The following NFE2L3 variants were observed in gnomAD, a reference collection of about 807,000 sequenced individuals.
NFE2L3 encodes nuclear factor erythroid 2-related factor 3.
Under a neutral mutation model 23.5 loss-of-function variants are expected in NFE2L3, and 18 were observed. The observed-to-expected ratio is 0.77, with a 90% confidence interval of 0.53 to 1.13. The LOEUF is 1.13. Among genes scored for constraint, NFE2L3 ranks in the 50% most tolerant of loss-of-function variants. The probability of loss-of-function intolerance (pLI) is 0.00; values close to 1 mark genes in which losing one functional copy is unlikely to be tolerated. For missense variants in NFE2L3, 1,152 were observed against 877.2 expected (o/e 1.31, Z -3.96); for synonymous variants, 424 against 354.5 (o/e 1.20, Z -2.20).
In NFE2L3 at chr7:26,177,955, C is replaced by G. The variant is rs746187828; in HGVS notation, c.583C>G (p.Leu195Val). 6.2e-7 allele frequency: 1 copy of G among 1,612,300 alleles called. No homozygotes were observed. The highest frequency in any genetic ancestry group is 8.5e-7 in the Non-Finnish European group (1 of 1,179,486). ...GGCASEENGV[L>V]REKHEAVDHS... ...CGTACTTTTATAGGAGAATGGGGTA[C>G]TAAGAGAAAAGCACGAAGCTGTGGA... The change falls in exon 2 of 4, where the codon CTA becomes GTA. Residue 195 changes from leucine (L) to valine (V), a missense_variant. By Grantham distance (32) the Leu-to-Val change is conservative. Transcript: ENST00000056233.
In NFE2L3 at chr7:26,185,394, T is replaced by G. The variant is rs1333484837; in HGVS notation, c.1696T>G (p.Leu566Val). Residue 566 changes from leucine (L) to valine (V), a missense_variant, in exon 4 of 4, where the codon TTA becomes GTA. Physicochemically the swap from Leu to Val is conservative, Grantham distance 32. Coordinates refer to ENST00000056233, the MANE Select transcript of NFE2L3 (RefSeq NM_004289.7). ...GMPVDSFNSM[L>V]SRYYLTDLQV... ...GCCTGTTGATTCTTTCAATAGCATG[T>G]TAAGTAGATATTATCTGACAGACCT... 6.2e-7 allele frequency: 1 copy of G among 1,614,124 alleles called. No individual in the cohort carries two copies. Among genetic ancestry groups the G allele is most frequent in the Admixed American group, 1.7e-5 (1 of 60,030 alleles).
At chr7:26,165,934 G>C (rs921633953) in intron 1 of NFE2L3, among the ~76,000 whole-genome samples, 1 of 152,072 alleles carries the variant, frequency 6.6e-6, no homozygotes, top group Non-Finnish European at 1.5e-5. Context: ...CAAATTTCCT[G>C]TTATCTCATG....
rs1402328644 is a variant in NFE2L3, at chr7:26,186,486, A to C, written c.*703A>C. ...ATCCACCCCCCTACCCCAATACTTA[A>C]CACACAGAATACTATGTGATATAGA... is the stretch of plus-strand genomic sequence containing the variant. On this transcript the variant is annotated 3_prime_UTR_variant, in exon 4 of 4. Transcript: ENST00000056233. 6.6e-6 allele frequency: 1 copy of C among 152,240 alleles called. No homozygotes were observed. The highest frequency in any genetic ancestry group is 1.5e-5 in the Non-Finnish European group (1 of 68,082). 9.4% of individuals were successfully genotyped at this position (152,240 alleles called of 1,614,324 possible).
intron 1 of NFE2L3, among the ~76,000 whole-genome samples, chr7:26,163,529 T>C (rs1164954950): frequency 1.3e-5 from 2 of 152,124 alleles, no homozygotes; most frequent in Non-Finnish European, 2.9e-5. Flanking sequence ...GTATTTTTAG[T>C]AGAGACGGGA....
In NFE2L3 at chr7:26,184,620, G is replaced by T. The variant is rs373607428; in HGVS notation, c.922G>T (p.Ala308Ser). 3 of 1,613,842 alleles carry T rather than the reference G, an allele frequency of 1.9e-6. No individual in the cohort carries two copies. The highest frequency in any genetic ancestry group is 1.7e-6 in the Non-Finnish European group (2 of 1,179,804). Residue 308 changes from alanine (A) to serine (S), a missense_variant, in exon 4 of 4, where the codon GCT becomes TCT. Transcript: ENST00000056233. ...ACATTATCATGTAAACTTCAGCCAG[G>T]CTATAAGTCAGGATGTGAATCTTCA... ...SAHYHVNFSQ[A>S]ISQDVNLHEA...
intron 1 of NFE2L3, among the ~76,000 whole-genome samples, chr7:26,154,884 C>T (rs1295856327): frequency 6.6e-6 from 1 of 152,192 alleles, no homozygotes; most frequent in Non-Finnish European, 1.5e-5. Context: ...GAGCCTAGGC[C>T]AGCCAAACCA....
intron 1 of NFE2L3, among the ~76,000 whole-genome samples, chr7:26,159,647 T>C (rs1784138775): frequency 1.3e-5 from 2 of 152,334 alleles, no homozygotes; most frequent in South Asian, 4.1e-4. Context: ...AACTAGAAAG[T>C]AGGTCAGATC....
At chr7:26,183,170 A>G (rs1782366674) in intron 2 of NFE2L3, among the ~76,000 whole-genome samples, 1 of 152,246 alleles carries the variant, frequency 6.6e-6, no homozygotes, top group South Asian at 2.1e-4. Flanking sequence ...GCCAAAAATT[A>G]CATGGAAGTT....
chr7:26,157,896 T>C (rs1405197354), intron 1 of NFE2L3, among the ~76,000 whole-genome samples: 1 of 152,224 alleles, frequency 6.6e-6, no homozygotes, highest in Non-Finnish European at 1.5e-5. Flanking sequence ...TCTACAGCTC[T>C]CTCCTGCCTT....
intron 1 of NFE2L3, among the ~76,000 whole-genome samples, chr7:26,170,742 A>G (rs1320238043): frequency 1.3e-5 from 2 of 152,232 alleles, no homozygotes; most frequent in Non-Finnish European, 2.9e-5. Flanking sequence ...CCAGGATAAC[A>G]GTGATACCAA....
rs754703494 is a variant in NFE2L3, at chr7:26,184,548, G to T, written c.850G>T (p.Asp284Tyr). 1.9e-6 allele frequency: 3 copies of T among 1,611,496 alleles called. No individual in the cohort carries two copies. The highest frequency in any genetic ancestry group is 2.5e-6 in the Non-Finnish European group (3 of 1,178,342). Residue 284 changes from aspartate to tyrosine, a missense_variant, in exon 4 of 4, where the codon GAT becomes TAT. Asp to Tyr is a radical substitution (Grantham distance 160). Transcript: ENST00000056233. Reference protein sequence around the residue: ...ENSLEGISLGDIPLPGSISDG... With the variant: ...ENSLEGISLGYIPLPGSISDG... The stretch of plus-strand genomic sequence containing the variant: ...CGTTTTTCAGGGCATCTCATTGGGA[G>T]ATATTCCTCTTCCAGGCAGTATCAG...
rs1309424315 is a variant in NFE2L3 at position 26,185,847 on chromosome 7, C to T, written c.*64C>T. 4 of 1,322,938 alleles carry T rather than the reference C, an allele frequency of 3.0e-6. No homozygotes were observed. The highest frequency in any genetic ancestry group is 4.1e-6 in the Non-Finnish European group (4 of 974,840). The allele number at this position is 1,322,938 out of a possible 1,614,324, so 81.9% of individuals were successfully genotyped here. A position where few individuals can be genotyped will look rare whatever the true frequency, so the allele number is the denominator to read the frequency against. On this transcript the variant is annotated 3_prime_UTR_variant, in exon 4 of 4. Coordinates refer to ENST00000056233, the MANE Select transcript of NFE2L3 (RefSeq NM_004289.7). ...ATGTTCAGAAACTGATTATTTGGATCAGAAACCATTGAAACTGCTTCAAGA... is the reference window on the plus strand; with the variant it reads ...ATGTTCAGAAACTGATTATTTGGATTAGAAACCATTGAAACTGCTTCAAGA...
intron 1 of NFE2L3, among the ~76,000 whole-genome samples, chr7:26,166,169 T>C (rs1031102618): frequency 6.6e-6 from 1 of 152,008 alleles, no homozygotes; most frequent in African/African-American, 2.4e-5. Flanking sequence ...GATGGCTCAA[T>C]GGAAGAGACT....
intron 1 of NFE2L3, among the ~76,000 whole-genome samples, chr7:26,175,552 C>T (rs551653777): frequency 1.1e-4 from 16 of 151,988 alleles, no homozygotes; most frequent in South Asian, 2.1e-4. Context: ...CCGAGGCGGG[C>T]GGATCACGAG....
intron 1 of NFE2L3, among the ~76,000 whole-genome samples, chr7:26,177,417 C>T (rs563640141): frequency 2.0e-5 from 3 of 152,262 alleles, no homozygotes; most frequent in Admixed American, 1.3e-4. Context: ...GCCAACACGG[C>T]GAAACCCCAT....
intron 2 of NFE2L3, among the ~76,000 whole-genome samples, chr7:26,180,414 C>T (rs902289199): frequency 6.6e-6 from 1 of 152,160 alleles, no homozygotes; most frequent in Non-Finnish European, 1.5e-5. Context: ...TATCTATTTC[C>T]TAATTAATGG....
intron 1 of NFE2L3, 25 bp downstream of exon 1, chr7:26,153,093 G>T: frequency 6.6e-7 from 1 of 1,507,058 alleles, no homozygotes. Flanking sequence ...GGAAGCGAGC[G>T]AAGTGCGGCG....
intron 3 of NFE2L3, 144 bp from the exon 4 acceptor site, chr7:26,184,389 T>C: frequency 1.4e-6 from 1 of 705,638 alleles, no homozygotes; most frequent in Non-Finnish European, 2.4e-6. Flanking sequence ...TGCCTGTATT[T>C]AACTAGGAAG....
intron 3 of NFE2L3, chr7:26,184,202 A>G: frequency 2.9e-6 from 1 of 346,696 alleles, no homozygotes. Flanking sequence ...CTGACCCTCC[A>G]CAATGTGATT....
Sources: gnomAD v4.1 joint callset for allele counts (sites outside exome capture counted in the v4.1 genomes callset) on GRCh38, gnomAD v4.1.1 for gene constraint, MANE v1.5 for transcripts, NCBI Gene and HGNC (gene_info 2026-07-23, HGNC 2026-07-21) for gene names.